IL17C: variants seen among roughly 807,000 people sequenced by gnomAD.
The protein encoded by IL17C is interleukin 17C, also known as interleukin-17C.
A neutral mutation model predicts 11.0 loss-of-function variants in IL17C; 13 were observed. The observed-to-expected ratio is 1.18, with a 90% CI of 0.77 to 1.88. IL17C has a LOEUF of 1.88. Among genes scored for constraint, IL17C ranks in the 40% most tolerant of loss-of-function variants. The pLI, the probability that IL17C is intolerant of heterozygous loss-of-function variation, is 0.00. For synonymous variants in IL17C, 150 were observed against 125.8 expected (o/e 1.19, Z -1.29); for missense variants, 357 against 278.2 (o/e 1.28, Z -2.01).
chr16:88,638,806 G>C (rs184553223), intron 1 of IL17C, 159 bp downstream of exon 1: 8 of 1,240,036 alleles, frequency 6.5e-6, no homozygotes, highest in Non-Finnish European at 9.4e-6. Flanking sequence ...TCCTCGGAGC[G>C]CTGGCATGCT....
In IL17C at chr16:88,639,863, T is replaced by C; in HGVS notation, c.385T>C (p.Cys129Arg). The C allele has an allele frequency of 6.3e-7, 1 of 1,599,846 alleles. No homozygotes were observed. The highest frequency in any genetic ancestry group is 8.5e-7 in the Non-Finnish European group (1 of 1,174,348). The change falls in exon 3 of 3, where the codon TGC becomes CGC. Residue 129 changes from cysteine to arginine, a missense_variant. By Grantham distance (180) the Cys-to-Arg change is radical (BLOSUM62 -3). Transcript: ENST00000244241. This position sits in a 1 kb window ranked among gnomAD's most constrained non-coding sequence, Gnocchi z 5.1. Reference protein sequence around the residue: ...RYPQKLAFAECLCRGCIDART... With the variant: ...RYPQKLAFAERLCRGCIDART... Reference sequence around the variant, plus strand: ...TCCACAGAAGCTGGCCTTCGCCGAGTGCCTGTGCAGAGGCTGTATCGATGC... The same window carrying C: ...TCCACAGAAGCTGGCCTTCGCCGAGCGCCTGTGCAGAGGCTGTATCGATGC...
chr16:88,638,617 C>T lies in IL17C; in HGVS notation c.-25C>T. The T allele has an allele frequency of 1.2e-6, 2 of 1,612,278 alleles. No homozygotes were observed. The highest frequency in any genetic ancestry group is 2.2e-5 in the East Asian group (1 of 44,864). The stretch of plus-strand genomic sequence containing the variant: ...CGCCAGGTGTGCAGGCCGCTCCAAG[C>T]CCAGCCTGCCCCGCTGCCGCCACCA... On this transcript the variant is annotated 5_prime_UTR_variant, in exon 1 of 3. Transcript: ENST00000244241.
chr16:88,640,039 C>T lies in IL17C; in HGVS notation c.561C>T (p.Val187=), dbSNP rs753139116. Residue 187 remains valine (V), a synonymous_variant, in exon 3 of 3, where the codon GTC becomes GTT. Coordinates refer to ENST00000244241, the MANE Select transcript of IL17C (RefSeq NM_013278.4). ...AFHTEFIHVP[V]GCTCVLPRSV is the part of the protein sequence containing the mutation. The stretch of plus-strand genomic sequence containing the variant: ...ACACCGAGTTCATCCACGTCCCCGT[C>T]GGCTGCACCTGCGTGCTGCCCCGTT... The T allele has an allele frequency of 7.6e-6, 12 of 1,588,732 alleles. No individual in the cohort carries two copies. Among genetic ancestry groups the T allele is most frequent in the African/African-American group, 5.4e-5 (4 of 74,492 alleles).
Position 88,639,751 on chromosome 16 carries a change from G to A in IL17C, c.336-63G>A. On this transcript the variant is annotated intron_variant, in intron 2 of 2. Transcript: ENST00000244241. The surrounding 1 kb of genome is among the most constrained non-coding windows in gnomAD (Gnocchi z 5.1). ...TGAGTACACGGAGAGGGGCCCTGAG[G>A]GGAGAGGGGCCTCCAGGAGGACAGG... 1.8e-5 allele frequency: 26 copies of A among 1,460,480 alleles called. No individual in the cohort carries two copies. Among genetic ancestry groups the A allele is most frequent in the Non-Finnish European group, 2.4e-5 (26 of 1,103,854 alleles). The allele number at this position is 1,460,480 out of a possible 1,614,324, so 90.5% of individuals were successfully genotyped here.
At position 88,639,027 on chromosome 16, in the gene IL17C, C is replaced by T; in HGVS notation, c.53C>T (p.Ala18Val). Reference protein sequence around the residue: ...LFLTWLHTCLAHHDPSLRGHP... With the variant: ...LFLTWLHTCLVHHDPSLRGHP... Reference sequence around the variant, plus strand: ...CTGACCTGGCTGCACACATGCCTGGCCCACCATGACCCCTCCCTCAGGGGG... The same window carrying T: ...CTGACCTGGCTGCACACATGCCTGGTCCACCATGACCCCTCCCTCAGGGGG... Residue 18 changes from alanine (A) to valine (V), a missense_variant, in exon 2 of 3, where the codon GCC (alanine) becomes GTC (valine). Physicochemically the swap from Ala to Val is moderately conservative, Grantham distance 64. Transcript: ENST00000244241. The surrounding 1 kb of genome is among the most constrained non-coding windows in gnomAD (Gnocchi z 5.1). 6.2e-7 allele frequency: 1 copy of T among 1,603,034 alleles called. No individual in the cohort carries two copies. Among genetic ancestry groups the T allele is most frequent in the South Asian group, 1.1e-5 (1 of 89,638 alleles).
At position 88,640,055 on chromosome 16, in the gene IL17C, C is replaced by A; in HGVS notation, c.577C>A (p.Leu193Met). 1 of 1,566,998 alleles carries A rather than the reference C, an allele frequency of 6.4e-7. No individual in the cohort carries two copies. Among genetic ancestry groups the A allele is most frequent in the Non-Finnish European group, 8.7e-7 (1 of 1,153,738 alleles). ...IHVPVGCTCV[L>M]PRSV is the part of the protein sequence containing the mutation. ...CGTCCCCGTCGGCTGCACCTGCGTG[C>A]TGCCCCGTTCAGTGTGACCGCCGAG... Residue 193 changes from leucine (L) to methionine (M), a missense_variant, in exon 3 of 3, where the codon CTG (leucine) becomes ATG (methionine). Coordinates refer to ENST00000244241, the MANE Select transcript of IL17C (RefSeq NM_013278.4).
In IL17C at chr16:88,639,455, C is replaced by T; in HGVS notation, c.335+146C>T. ...AGCTCCCTCCCTCCGGCCCTCCTGA[C>T]CTGGACGGCTGAGCTGCTGCTTGCG... On this transcript the variant is annotated intron_variant, in intron 2 of 2. Coordinates refer to ENST00000244241, the MANE Select transcript of IL17C (RefSeq NM_013278.4). This position sits in a 1 kb window ranked among gnomAD's most constrained non-coding sequence, Gnocchi z 5.1. 1.2e-6 allele frequency: 1 copy of T among 835,784 alleles called. No individual in the cohort carries two copies. Among genetic ancestry groups the T allele is most frequent in the Non-Finnish European group, 1.8e-6 (1 of 555,306 alleles). The allele number at this position is 835,784 out of a possible 1,614,324, so 51.8% of individuals were successfully genotyped here. A position where few individuals can be genotyped will look rare whatever the true frequency, so the allele number is the denominator to read the frequency against.
In IL17C at chr16:88,639,384, T is replaced by G. The variant is rs1307793950; in HGVS notation, c.335+75T>G. ...GGGGCCCTGACTGCCCGGAGAGCTC[T>G]CTGGGCCTTGGTGGTTCTCACCTGT... On this transcript the variant is annotated intron_variant, in intron 2 of 2. Transcript: ENST00000244241. This position sits in a 1 kb window ranked among gnomAD's most constrained non-coding sequence, Gnocchi z 5.1. The G allele has an allele frequency of 1.4e-6, 2 of 1,401,958 alleles. No homozygotes were observed. Among genetic ancestry groups the G allele is most frequent in the African/African-American group, 2.9e-5 (2 of 69,638 alleles). The allele number at this position is 1,401,958 out of a possible 1,614,324, so 86.8% of individuals were successfully genotyped here. A position where few individuals can be genotyped will look rare whatever the true frequency, so the allele number is the denominator to read the frequency against.
At position 88,639,804 on chromosome 16, in the gene IL17C, CG is replaced by C; in HGVS notation, c.336-9del. ...AGGGCCAGAGACTCACTGTGCACCCCGTCCCGCAGTGTGGACACGGATGAGG... is the reference window on the plus strand; with the variant it reads ...AGGGCCAGAGACTCACTGTGCACCCCTCCCGCAGTGTGGACACGGATGAGG... On this transcript the variant is annotated splice_polypyrimidine_tract_variant and intron_variant, in intron 2 of 2. Coordinates refer to ENST00000244241, the MANE Select transcript of IL17C (RefSeq NM_013278.4). The surrounding 1 kb of genome is among the most constrained non-coding windows in gnomAD (Gnocchi z 5.1). 1.3e-6 allele frequency: 2 copies of C among 1,534,534 alleles called. No homozygotes were observed. The highest frequency in any genetic ancestry group is 2.4e-5 in the South Asian group (2 of 82,280).
intron 1 of IL17C, 33 bp from the exon 2 acceptor site, chr16:88,638,948 A>G (rs758785777): frequency 3.3e-6 from 5 of 1,519,862 alleles, no homozygotes; most frequent in South Asian, 2.5e-5. Flanking sequence ...TGCCCTGGGC[A>G]CCTCCTAACC....
chr16:88,639,930 T>A lies in IL17C; in HGVS notation c.452T>A (p.Leu151Gln), dbSNP rs747040138. The change falls in exon 3 of 3, where the codon CTG becomes CAG. Residue 151 changes from leucine (L) to glutamine (Q), a missense_variant. Transcript: ENST00000244241. The surrounding 1 kb of genome is among the most constrained non-coding windows in gnomAD (Gnocchi z 5.1). Reference protein sequence around the residue: ...RETAALNSVRLLQSLLVLRRR... With the variant: ...RETAALNSVRQLQSLLVLRRR... ...ACAGCTGCGCTCAACTCCGTGCGGCTGCTCCAGAGCCTGCTGGTGCTGCGC... is the reference window on the plus strand; with the variant it reads ...ACAGCTGCGCTCAACTCCGTGCGGCAGCTCCAGAGCCTGCTGGTGCTGCGC... The A allele has an allele frequency of 6.2e-7, 1 of 1,610,678 alleles. No homozygotes were observed. Among genetic ancestry groups the A allele is most frequent in the Non-Finnish European group, 8.5e-7 (1 of 1,179,476 alleles).
chr16:88,639,047 A>C lies in IL17C; in HGVS notation c.73A>C (p.Arg25=), dbSNP rs11465492. 3.1e-6 allele frequency: 5 copies of C among 1,609,848 alleles called. No individual in the cohort carries two copies. The highest frequency in any genetic ancestry group is 2.7e-5 in the African/African-American group (2 of 74,936). ...TCLAHHDPSL[R]GHPHSHGTPH... Reference sequence around the variant, plus strand: ...CCTGGCCCACCATGACCCCTCCCTCAGGGGGCACCCCCACAGTCACGGTAC... The same window carrying C: ...CCTGGCCCACCATGACCCCTCCCTCCGGGGGCACCCCCACAGTCACGGTAC... The change falls in exon 2 of 3, where the codon AGG becomes CGG. Residue 25 remains arginine, a synonymous_variant. Transcript: ENST00000244241. The surrounding 1 kb of genome is among the most constrained non-coding windows in gnomAD (Gnocchi z 5.1).
chr16:88,639,820 C>A lies in IL17C; in HGVS notation c.342C>A (p.Asp114Glu). The A allele has an allele frequency of 6.4e-7, 1 of 1,561,086 alleles. No individual in the cohort carries two copies. The change falls in exon 3 of 3, where the codon GAC (aspartate) becomes GAA (glutamate). Residue 114 changes from aspartate to glutamate, a missense_variant. Transcript: ENST00000244241. This position sits in a 1 kb window ranked among gnomAD's most constrained non-coding sequence, Gnocchi z 5.1. ...TGTGCACCCCGTCCCGCAGTGTGGA[C>A]ACGGATGAGGACCGCTATCCACAGA... is the stretch of plus-strand genomic sequence containing the variant. ...RSISPWRYRV[D>E]TDEDRYPQKL...
rs367943285 is a variant in IL17C, at chr16:88,639,963, C to T, written c.485C>T (p.Pro162Leu). ...LQSLLVLRRR[P>L]CSRDGSGLPT... The stretch of plus-strand genomic sequence containing the variant: ...AGCCTGCTGGTGCTGCGCCGCCGGC[C>T]CTGCTCCCGCGACGGCTCGGGGCTC... The change falls in exon 3 of 3, where the codon CCC (proline) becomes CTC (leucine). Residue 162 changes from proline (P) to leucine (L), a missense_variant. Pro to Leu is a moderately conservative substitution (Grantham distance 98). Coordinates refer to ENST00000244241, the MANE Select transcript of IL17C (RefSeq NM_013278.4). This position sits in a 1 kb window ranked among gnomAD's most constrained non-coding sequence, Gnocchi z 5.1. The T allele has an allele frequency of 6.2e-7, 1 of 1,610,128 alleles. No homozygotes were observed. The highest frequency in any genetic ancestry group is 1.7e-5 in the Admixed American group (1 of 59,868).
chr16:88,638,861 C>T, intron 1 of IL17C, 120 bp from the exon 2 acceptor site: 1 of 1,185,550 alleles, frequency 8.4e-7, no homozygotes, highest in Non-Finnish European at 1.2e-6. Context: ...CTTCAGTTTC[C>T]CCATCTATAG....
In IL17C at chr16:88,639,127, G is replaced by A. The variant is rs760470753; in HGVS notation, c.153G>A (p.Leu51=). Residue 51 remains leucine, a synonymous_variant, in exon 2 of 3, where the codon CTG becomes CTA. Transcript: ENST00000244241. This position sits in a 1 kb window ranked among gnomAD's most constrained non-coding sequence, Gnocchi z 5.1. The stretch of plus-strand genomic sequence containing the variant: ...CCCTCGGCCAGGCCCCCCCACACCT[G>A]CTGGCTCGAGGTGCCAAGTGGGGGC... ...ELPLGQAPPH[L]LARGAKWGQA... The A allele has an allele frequency of 1.2e-6, 2 of 1,613,050 alleles. No homozygotes were observed. Among genetic ancestry groups the A allele is most frequent in the Non-Finnish European group, 8.5e-7 (1 of 1,179,958 alleles).
chr16:88,638,847 T>C (rs1906969100), intron 1 of IL17C, 134 bp from the exon 2 acceptor site: 1 of 1,155,152 alleles, frequency 8.7e-7, no homozygotes, highest in South Asian at 1.4e-5. Context: ...CTAGCCTCTC[T>C]GGGCTTCAGT....
In IL17C at chr16:88,639,037, C is replaced by T. The variant is rs1270722568; in HGVS notation, c.63C>T (p.Asp21=). The part of the protein sequence containing the change: ...TWLHTCLAHH[D]PSLRGHPHSH... ...TGCACACATGCCTGGCCCACCATGACCCCTCCCTCAGGGGGCACCCCCACA... is the reference window on the plus strand; with the variant it reads ...TGCACACATGCCTGGCCCACCATGATCCCTCCCTCAGGGGGCACCCCCACA... Residue 21 remains aspartate, a synonymous_variant, in exon 2 of 3, where the codon GAC becomes GAT. Coordinates refer to ENST00000244241, the MANE Select transcript of IL17C (RefSeq NM_013278.4). This position sits in a 1 kb window ranked among gnomAD's most constrained non-coding sequence, Gnocchi z 5.1. 1 of 1,608,360 alleles carries T rather than the reference C, an allele frequency of 6.2e-7. No homozygotes were observed. The highest frequency in any genetic ancestry group is 2.2e-5 in the East Asian group (1 of 44,782).
chr16:88,639,924 T>C lies in IL17C; in HGVS notation c.446T>C (p.Val149Ala), dbSNP rs941730175. 6.2e-7 allele frequency: 1 copy of C among 1,610,466 alleles called. No homozygotes were observed. The highest frequency in any genetic ancestry group is 8.5e-7 in the Non-Finnish European group (1 of 1,179,504). ...TGRETAALNS[V>A]RLLQSLLVLR... ...CGCGAGACAGCTGCGCTCAACTCCG[T>C]GCGGCTGCTCCAGAGCCTGCTGGTG... Residue 149 changes from valine (V) to alanine (A), a missense_variant, in exon 3 of 3, where the codon GTG becomes GCG. Val to Ala is a moderately conservative substitution (Grantham distance 64). Transcript: ENST00000244241. This position sits in a 1 kb window ranked among gnomAD's most constrained non-coding sequence, Gnocchi z 5.1.
Sources: gnomAD v4.1 joint callset for allele counts on GRCh38, gnomAD v4.1.1 for gene constraint, Gnocchi (gnomAD v3.1) non-coding constraint, MANE v1.5 for transcripts, NCBI Gene and HGNC (gene_info 2026-07-23, HGNC 2026-07-21) for gene names.